The following FSTL4 variants were observed in gnomAD, a reference collection of about 807,000 sequenced individuals.
The protein encoded by FSTL4 is follistatin-related protein 4.
A neutral mutation model predicts 78.2 loss-of-function variants in FSTL4; 28 were observed. That is an observed-to-expected ratio of 0.36 (90% confidence interval 0.27 to 0.49). The LOEUF (loss-of-function observed/expected upper bound fraction) is 0.49. Among genes scored for constraint, FSTL4 ranks in the 20% least tolerant of loss-of-function variants. FSTL4 has a pLI of 0.98. For missense variants in FSTL4, 922 were observed against 1,084.9 expected (o/e 0.85, Z 2.11); for synonymous variants, 422 against 440.5 (o/e 0.96, Z 0.53).
intron 3 of FSTL4, among the ~76,000 whole-genome samples, chr5:133,467,005 TGA>T (rs777629953): frequency 3.3e-5 from 5 of 151,904 alleles, no homozygotes; most frequent in African/African-American, 7.3e-5. Flanking sequence ...TGACAGTGTA[TGA>T]GTGTGTGAGC....
At chr5:133,298,340 C>T (rs933449464) in intron 6 of FSTL4, among the ~76,000 whole-genome samples, 1 of 152,230 alleles carries the variant, frequency 6.6e-6, no homozygotes, top group African/African-American at 2.4e-5. Flanking sequence ...GATACCTGTA[C>T]ACCAGGTGCT....
At chr5:133,590,365 C>G (rs256244) in intron 2 of FSTL4, among the ~76,000 whole-genome samples, 33,553 of 152,032 alleles carry the variant, frequency 0.22, 3,833 homozygotes, top group East Asian at 0.32. Context: ...TGCAATAAGA[C>G]TTTGTATCTA....
At chr5:133,301,679 C>A (rs148377372) in intron 6 of FSTL4, among the ~76,000 whole-genome samples, 2 of 152,186 alleles carry the variant, frequency 1.3e-5, no homozygotes, top group South Asian at 4.1e-4. Flanking sequence ...CACCGTCTGA[C>A]GAAAAATTGC....
At chr5:133,322,535 G>T (rs544363285) in intron 4 of FSTL4, among the ~76,000 whole-genome samples, 4 of 152,300 alleles carry the variant, frequency 2.6e-5, no homozygotes, top group East Asian at 1.9e-4. Flanking sequence ...GCCAACAAAG[G>T]GTTCACTCAT....
At chr5:133,631,808 C>T in the FSTL4 span, among the ~76,000 whole-genome samples, 3 of 152,176 alleles carry the variant, frequency 2.0e-5, no homozygotes, top group African/African-American at 7.2e-5. Context: ...CCATGGATTA[C>T]TATGCAGCCA....
the FSTL4 span, among the ~76,000 whole-genome samples, chr5:133,726,754 T>A: frequency 6.6e-6 from 1 of 152,226 alleles, no homozygotes; most frequent in Admixed American, 6.5e-5. Context: ...CAAAAAAGTA[T>A]GAAGCGATTT....
chr5:133,638,291 A>G, the FSTL4 span, among the ~76,000 whole-genome samples: 1 of 152,046 alleles, frequency 6.6e-6, no homozygotes, highest in Non-Finnish European at 1.5e-5. Flanking sequence ...ACTCCCCAGG[A>G]CTATTCTCAA....
At chr5:133,329,178 G>T (rs1297694595) in intron 4 of FSTL4, among the ~76,000 whole-genome samples, 1 of 152,104 alleles carries the variant, frequency 6.6e-6, no homozygotes, top group Non-Finnish European at 1.5e-5. Context: ...CTCTATAAAC[G>T]GTCTCAACAA....
chr5:133,699,427 C>G, the FSTL4 span, among the ~76,000 whole-genome samples: 1 of 152,092 alleles, frequency 6.6e-6, no homozygotes, highest in African/African-American at 2.4e-5. Context: ...TACTACACAC[C>G]GAGAACTGTG....
At chr5:133,637,042 G>A in the FSTL4 span, among the ~76,000 whole-genome samples, 1 of 152,164 alleles carries the variant, frequency 6.6e-6, no homozygotes, top group East Asian at 1.9e-4. Context: ...TAAAAGGCAA[G>A]GTCAAAGGAT....
intron 4 of FSTL4, among the ~76,000 whole-genome samples, chr5:133,390,480 C>G (rs1008266462): frequency 6.6e-6 from 1 of 152,254 alleles, no homozygotes; most frequent in Non-Finnish European, 1.5e-5. Context: ...CCTCATGAGG[C>G]ACCCAGGTGC....
At chr5:133,766,382 C>T in the FSTL4 span, among the ~76,000 whole-genome samples, 2 of 152,286 alleles carry the variant, frequency 1.3e-5, no homozygotes, top group African/African-American at 4.8e-5. Context: ...TACTATCTGA[C>T]CGTTTACAGA....
At chr5:133,277,051 C>T (rs1246666234) in intron 6 of FSTL4, among the ~76,000 whole-genome samples, 1 of 152,188 alleles carries the variant, frequency 6.6e-6, no homozygotes, top group Non-Finnish European at 1.5e-5. Flanking sequence ...GTGGCTCACT[C>T]CTGTAATTCC....
At chr5:133,578,757 T>C (rs1016361372) in intron 2 of FSTL4, among the ~76,000 whole-genome samples, 9 of 152,214 alleles carry the variant, frequency 5.9e-5, no homozygotes, top group Non-Finnish European at 1.0e-4. Context: ...AATCCACCAA[T>C]ATGAGTAAAC....
chr5:133,420,536 G>A (rs573502196), intron 3 of FSTL4, among the ~76,000 whole-genome samples: 1 of 152,274 alleles, frequency 6.6e-6, no homozygotes, highest in African/African-American at 2.4e-5. Flanking sequence ...GGCTGGCAGG[G>A]GCTCTGACCC....
chr5:133,620,537 T>A, the FSTL4 span, among the ~76,000 whole-genome samples: 4 of 152,226 alleles, frequency 2.6e-5, no homozygotes, highest in Non-Finnish European at 2.9e-5. Context: ...TAGCTTGTAT[T>A]TCATCATCAG....
chr5:133,447,185 C>A (rs931526052), intron 3 of FSTL4, among the ~76,000 whole-genome samples: 1 of 152,184 alleles, frequency 6.6e-6, no homozygotes, highest in East Asian at 1.9e-4. Context: ...TGAGGTGTCA[C>A]CACCAGCCTG....
At chr5:133,299,805 G>C (rs1753491178) in intron 6 of FSTL4, among the ~76,000 whole-genome samples, 1 of 152,182 alleles carries the variant, frequency 6.6e-6, no homozygotes, top group Non-Finnish European at 1.5e-5. Flanking sequence ...TGATTGGGGG[G>C]CTGGGGAGGG....
chr5:133,433,815 T>A (rs1756986488), intron 3 of FSTL4, among the ~76,000 whole-genome samples: 1 of 151,860 alleles, frequency 6.6e-6, no homozygotes, highest in Non-Finnish European at 1.5e-5. Flanking sequence ...AGGGAAGAGC[T>A]GGTGTCAAGG....
Sources: gnomAD v4.1 joint callset for allele counts (sites outside exome capture counted in the v4.1 genomes callset) on GRCh38, gnomAD v4.1.1 for gene constraint, MANE v1.5 for transcripts, NCBI Gene and HGNC (gene_info 2026-07-23, HGNC 2026-07-21) for gene names.